Variants in MET observed in about 807,000 individuals in gnomAD.
MET encodes MET proto-oncogene, receptor tyrosine kinase.
MET carries 48 observed loss-of-function variants against 133.1 expected under a neutral mutation model. That is an observed-to-expected ratio of 0.36 (90% confidence interval 0.29 to 0.46). The LOEUF (loss-of-function observed/expected upper bound fraction) is 0.46. Ranked by LOEUF, MET falls within the 20% of genes least tolerant of loss-of-function variation. MET has a pLI of 1.00. For synonymous variants in MET, 628 were observed against 616.5 expected, an observed-to-expected ratio of 1.02 and a Z score of -0.28; for missense variants, 1,442 against 1,695.9, an observed-to-expected ratio of 0.85 and a Z score of 2.63.
intron 2 of MET, among the ~76,000 whole-genome samples, chr7:116,712,201 A>C (rs1792027416): frequency 6.6e-6 from 1 of 152,172 alleles, no homozygotes; most frequent in Non-Finnish European, 1.5e-5. Flanking sequence ...TCAAGTGAAC[A>C]CTTTTTCCCT....
At chr7:116,776,266 C>T (rs1794991898) in intron 15 of MET, among the ~76,000 whole-genome samples, 1 of 152,100 alleles carries the variant, frequency 6.6e-6, no homozygotes. Flanking sequence ...TGTCAAACAC[C>T]CCAGAGCGTA....
At chr7:116,751,858 G>A (rs1232375563) in intron 5 of MET, among the ~76,000 whole-genome samples, 5 of 152,174 alleles carry the variant, frequency 3.3e-5, no homozygotes, top group Admixed American at 1.3e-4. Flanking sequence ...TCAGGAGATC[G>A]AGACCATCCT....
At chr7:116,757,266 A>T (rs1794212947) in intron 6 of MET, among the ~76,000 whole-genome samples, 171 bp from the exon 7 acceptor site, 1 of 152,158 alleles carries the variant, frequency 6.6e-6, no homozygotes, top group Non-Finnish European at 1.5e-5. Flanking sequence ...AGTTTATCAT[A>T]GTATAGAAAT....
chr7:116,751,872 T>A (rs958553879), intron 5 of MET, among the ~76,000 whole-genome samples: 1 of 152,008 alleles, frequency 6.6e-6, no homozygotes, highest in Non-Finnish European at 1.5e-5. Flanking sequence ...CCATCCTGGC[T>A]AACACGGTGA....
At chr7:116,723,361 G>A (rs1792581429) in intron 2 of MET, among the ~76,000 whole-genome samples, 2 of 147,620 alleles carry the variant, frequency 1.4e-5, no homozygotes, top group African/African-American at 5.0e-5. Context: ...CTCTGTATTG[G>A]TTATTCTAGT....
chr7:116,793,002 T>G (rs1795556533), intron 19 of MET, among the ~76,000 whole-genome samples: 1 of 152,216 alleles, frequency 6.6e-6, no homozygotes, highest in Non-Finnish European at 1.5e-5. Flanking sequence ...GGCTTCCGTA[T>G]TGTAGGTATG....
At chr7:116,754,939 G>GAAAGAAAGAAAA (rs1401030161) in intron 5 of MET, among the ~76,000 whole-genome samples, 146 of 122,756 alleles carry the variant, frequency 1.2e-3, no homozygotes, top group Middle Eastern at 8.8e-3. Context: ...AAGAAAGAAA[G>GAAAGAAAGAAAA]AAAGAAAGAA....
chr7:116,717,199 G>C (rs1023751733), intron 2 of MET, among the ~76,000 whole-genome samples: 3 of 152,214 alleles, frequency 2.0e-5, no homozygotes, highest in Admixed American at 6.5e-5. Context: ...ACCCCAAAGA[G>C]AAGGATCTGC....
At chr7:116,676,652 CA>C (rs1796169788) in intron 1 of MET, among the ~76,000 whole-genome samples, 1 of 152,052 alleles carries the variant, frequency 6.6e-6, no homozygotes, top group East Asian at 1.9e-4. Flanking sequence ...TTGAAAAACT[CA>C]ATAGTGAGGT....
chr7:116,779,665 C>T (rs539349209), intron 17 of MET, among the ~76,000 whole-genome samples: 58 of 151,938 alleles, frequency 3.8e-4, no homozygotes, highest in African/African-American at 1.4e-3. Context: ...GAGGCTAGTT[C>T]GAACTGAAAT....
intron 2 of MET, among the ~76,000 whole-genome samples, chr7:116,718,990 T>G: frequency 7.1e-6 from 1 of 140,962 alleles, no homozygotes; most frequent in Non-Finnish European, 1.5e-5. Flanking sequence ...TGATTTATAG[T>G]CCTTTGGGTA....
chr7:116,719,828 TG>T (rs1405848769), intron 2 of MET, among the ~76,000 whole-genome samples: 1 of 152,082 alleles, frequency 6.6e-6, no homozygotes, highest in Admixed American at 6.5e-5. Flanking sequence ...CTGAGGGCTC[TG>T]TTCTGTTCCA....
intron 2 of MET, among the ~76,000 whole-genome samples, chr7:116,729,603 T>C (rs901661095): frequency 6.6e-6 from 1 of 152,220 alleles, no homozygotes; most frequent in Non-Finnish European, 1.5e-5. Flanking sequence ...CCTACACTTA[T>C]AGTTACATAC....
intron 18 of MET, 146 bp downstream of exon 18, chr7:116,782,243 C>G (rs1454105035): frequency 8.5e-6 from 6 of 705,800 alleles, no homozygotes; most frequent in Non-Finnish European, 1.5e-5. Flanking sequence ...TGTGTAAGCC[C>G]TGGGGATGTG....
chr7:116,758,339 C>T, intron 8 of MET, 120 bp from the exon 9 acceptor site: 1 of 1,006,050 alleles, frequency 9.9e-7, no homozygotes, highest in Non-Finnish European at 1.5e-6. Context: ...GAAAAGGCTT[C>T]CACTCAGGAA....
chr7:116,785,822 A>G (rs1265506197), intron 19 of MET, among the ~76,000 whole-genome samples: 1 of 150,912 alleles, frequency 6.6e-6, no homozygotes, highest in Non-Finnish European at 1.5e-5. Context: ...AGATTAGCAA[A>G]GATATATGCT....
chr7:116,794,826 A>G (rs1795620905), intron 19 of MET, among the ~76,000 whole-genome samples: 1 of 152,138 alleles, frequency 6.6e-6, no homozygotes, highest in South Asian at 2.1e-4. Context: ...GCACATGTCC[A>G]GGGGGAGATA....
At chr7:116,743,865 C>T (rs753615961) in intron 5 of MET, among the ~76,000 whole-genome samples, 1 of 152,228 alleles carries the variant, frequency 6.6e-6, no homozygotes, top group Non-Finnish European at 1.5e-5. Flanking sequence ...TGCTGTTCTA[C>T]AGCCTCTGCT....
chr7:116,686,100 C>T (rs1439105959), intron 1 of MET, among the ~76,000 whole-genome samples: 1 of 152,076 alleles, frequency 6.6e-6, no homozygotes, highest in Non-Finnish European at 1.5e-5. Flanking sequence ...CCCATATGAT[C>T]GAGGTGAATA....
Sources: gnomAD v4.1 joint callset for allele counts (sites outside exome capture counted in the v4.1 genomes callset) on GRCh38, gnomAD v4.1.1 for gene constraint, MANE v1.5 for transcripts, NCBI Gene and HGNC (gene_info 2026-07-23, HGNC 2026-07-21) for gene names.